The following CSNK1E variants were observed in gnomAD, a reference collection of about 807,000 sequenced individuals.
The protein encoded by CSNK1E is casein kinase I isoform epsilon.
CSNK1E carries 17 observed loss-of-function variants against 46.1 expected under a neutral mutation model. That is an observed-to-expected ratio of 0.37 (90% CI 0.25 to 0.55). The LOEUF is 0.55. Among genes scored for constraint, CSNK1E ranks in the 20% least tolerant of loss-of-function variants. The pLI is 0.82. For synonymous variants in CSNK1E, 241 were observed against 242.6 expected (o/e 0.99, Z 0.06); for missense variants, 386 against 595.4 (o/e 0.65, Z 3.66).
chr22:38,297,938 C>G, intron 7 of CSNK1E: 1 of 1,114,610 alleles, frequency 9.0e-7, no homozygotes, highest in Non-Finnish European at 1.1e-6. Flanking sequence ...GGGGGGACAG[C>G]TCCTCCACCT....
rs185232069 is a variant in CSNK1E at position 38,301,200 on chromosome 22, G to C, written c.337-248C>G. ...GAGAGTATTGCAGGAAAGCTAATGG[G>C]AAGATCCAGAAATGAAGAGTCTGCT... On this transcript the variant is annotated intron_variant, in intron 4 of 10. Transcript: ENST00000396832. Among the ~76,000 whole-genome samples, 115 of 152,334 alleles carry C rather than the reference G, an allele frequency of 7.5e-4. 2 individuals are homozygous for C. Among genetic ancestry groups the C allele is most frequent in the African/African-American group, 2.4e-3 (98 of 41,578 alleles).
chr22:38,296,146 G>C, intron 7 of CSNK1E: 1 of 991,616 alleles, frequency 1.0e-6, no homozygotes, highest in Non-Finnish European at 1.2e-6. Flanking sequence ...CCCGAGGCAA[G>C]AAGTGGGCGA....
chr22:38,308,174 G>A (rs1329387873), intron 2 of CSNK1E, among the ~76,000 whole-genome samples: 1 of 152,114 alleles, frequency 6.6e-6, no homozygotes, highest in East Asian at 1.9e-4. Flanking sequence ...TTTGTGACTG[G>A]CTTCTTTCAC....
chr22:38,298,280 C>T lies in CSNK1E; in HGVS notation c.885+506G>A. The T allele has an allele frequency of 8.7e-7, 1 of 1,143,922 alleles. No individual in the cohort carries two copies. Among genetic ancestry groups the T allele is most frequent in the Non-Finnish European group, 1.2e-6 (1 of 857,194 alleles). The allele number at this position is 1,143,922 out of a possible 1,614,324, so 70.9% of individuals were successfully genotyped here. Reference sequence around the variant, plus strand: ...CTCTGGGTACGGCCGGCCAATGCTGCTCCCCACCCAACCCCACCCCTGGGA... The same window carrying T: ...CTCTGGGTACGGCCGGCCAATGCTGTTCCCCACCCAACCCCACCCCTGGGA... On this transcript the variant is annotated intron_variant, in intron 7 of 10. Transcript: ENST00000396832. The surrounding 1 kb of genome is among the most constrained non-coding windows in gnomAD (Gnocchi z 4.2).
At chr22:38,295,460 G>A (rs890714128) in intron 7 of CSNK1E, 2 of 955,810 alleles carry the variant, frequency 2.1e-6, no homozygotes, top group Admixed American at 6.2e-5. Context: ...GTGGAGGAGA[G>A]AGCTCTGGGC....
intron 6 of CSNK1E, among the ~76,000 whole-genome samples, chr22:38,299,171 A>G (rs1272614934): frequency 6.6e-6 from 1 of 152,226 alleles, no homozygotes; most frequent in Non-Finnish European, 1.5e-5. Flanking sequence ...AACAGTGGCC[A>G]GGAGCCTCTG....
intron 7 of CSNK1E, among the ~76,000 whole-genome samples, chr22:38,295,915 C>T (rs1170051023): frequency 6.6e-6 from 1 of 152,264 alleles, no homozygotes; most frequent in East Asian, 1.9e-4. Flanking sequence ...GCCAGAGCCA[C>T]AGCAAAGCCT....
intron 7 of CSNK1E, chr22:38,295,312 G>A: frequency 1.8e-6 from 1 of 569,924 alleles, no homozygotes. Context: ...TCCAGCCACT[G>A]CCGCCCCTGG....
chr22:38,296,462 T>C lies in CSNK1E; in HGVS notation c.886-1928A>G, dbSNP rs568371578. 1.0e-5 allele frequency: 16 copies of C among 1,524,098 alleles called. No homozygotes were observed. The African/African-American group carries it at 2.1e-4, about 20-fold the overall frequency. 94.4% of individuals were successfully genotyped at this position (1,524,098 alleles called of 1,614,324 possible). On this transcript the variant is annotated intron_variant, in intron 7 of 10. Coordinates refer to ENST00000396832, the MANE Select transcript of CSNK1E (RefSeq NM_152221.3). ...ACTGTTGGGTAGCATGGGAAGGGCC[T>C]GGCCTCAGGGTGAAGGTTCCCATTG...
At chr22:38,301,508 C>T (rs2092672303) in intron 4 of CSNK1E, among the ~76,000 whole-genome samples, 1 of 152,102 alleles carries the variant, frequency 6.6e-6, no homozygotes, top group Non-Finnish European at 1.5e-5. Flanking sequence ...TCTCGGCTCA[C>T]TGCAACTTCT....
At chr22:38,314,016 G>A (rs1017627678) in intron 2 of CSNK1E, 66 bp downstream of exon 2, 22 of 1,402,538 alleles carry the variant, frequency 1.6e-5, no homozygotes, top group African/African-American at 2.8e-5. Flanking sequence ...CAAATCCTGG[G>A]GTCTTTCCTC....
chr22:38,296,963 T>C, intron 7 of CSNK1E: 3 of 612,156 alleles, frequency 4.9e-6, no homozygotes, highest in Non-Finnish European at 8.8e-6. Flanking sequence ...TTAGTAGAAA[T>C]GGGTTTCACC....
intron 4 of CSNK1E, among the ~76,000 whole-genome samples, chr22:38,302,136 C>T (rs746044748): frequency 1.3e-5 from 2 of 152,144 alleles, no homozygotes; most frequent in African/African-American, 4.8e-5. Context: ...CAGAGAGGTT[C>T]GGCGTTCACC....
At chr22:38,310,259 T>A (rs2092715222) in intron 2 of CSNK1E, among the ~76,000 whole-genome samples, 1 of 152,072 alleles carries the variant, frequency 6.6e-6, no homozygotes, top group African/African-American at 2.4e-5. Context: ...TCAGACACAG[T>A]GGAGGGAATG....
intron 1 of CSNK1E, among the ~76,000 whole-genome samples, chr22:38,316,036 G>A (rs1349774921): frequency 6.6e-6 from 1 of 152,052 alleles, no homozygotes; most frequent in African/African-American, 2.4e-5. Flanking sequence ...GCCTCCCAGA[G>A]GAGAGCAGAA....
chr22:38,297,206 G>C (rs1192003137), intron 7 of CSNK1E: 58 of 768,622 alleles, frequency 7.5e-5, no homozygotes, highest in Non-Finnish European at 1.3e-4. Context: ...GGAGGGCCAA[G>C]CCCATCACGA....
chr22:38,306,242 C>T (rs1223712291), intron 2 of CSNK1E, among the ~76,000 whole-genome samples: 5 of 152,140 alleles, frequency 3.3e-5, no homozygotes, highest in African/African-American at 4.8e-5. Flanking sequence ...TGAACAGAAA[C>T]ATGACTGTAC....
At position 38,300,963 on chromosome 22, in the gene CSNK1E, G is replaced by T. The variant is rs1569078123; in HGVS notation, c.337-11C>A. ...CTCGATGCGGCTGATCTGGGGAGGA[G>T]GGGGGCCATTTGTTCAACAGAGGGG... is the stretch of plus-strand genomic sequence containing the variant. On this transcript the variant is annotated splice_polypyrimidine_tract_variant and intron_variant, in intron 4 of 10. Coordinates refer to ENST00000396832, the MANE Select transcript of CSNK1E (RefSeq NM_152221.3). The surrounding 1 kb of genome is among the most constrained non-coding windows in gnomAD (Gnocchi z 4.4). 1 of 1,611,982 alleles carries T rather than the reference G, an allele frequency of 6.2e-7. No homozygotes were observed. The highest frequency in any genetic ancestry group is 1.1e-5 in the South Asian group (1 of 91,038).
At chr22:38,312,586 C>A (rs1223965200) in intron 2 of CSNK1E, among the ~76,000 whole-genome samples, 1 of 152,170 alleles carries the variant, frequency 6.6e-6, no homozygotes, top group South Asian at 2.1e-4. Flanking sequence ...CCAGCTGCAC[C>A]ACACACTCTC....
Sources: allele counts gnomAD v4.1 joint callset (sites outside exome capture counted in the v4.1 genomes callset), GRCh38; gene constraint gnomAD v4.1.1; non-coding constraint Gnocchi (gnomAD v3.1); transcripts MANE v1.5; gene names NCBI Gene and HGNC (gene_info 2026-07-23, HGNC 2026-07-21).